Variants in DLGAP1 observed in about 807,000 individuals in gnomAD.
DLGAP1 encodes the protein DLG associated protein 1.
In DLGAP1, 11 loss-of-function variants were observed where a neutral mutation model predicts 90.8. That is an observed-to-expected ratio of 0.12 (90% confidence interval 0.08 to 0.20). The LOEUF is 0.20. DLGAP1 is among the 10% of genes least tolerant of loss of function. DLGAP1 has a pLI of 1.00. For missense variants in DLGAP1, 1,050 were observed against 1,333.8 expected, an observed-to-expected ratio of 0.79 and a Z score of 3.31; for synonymous variants, 558 against 540.7, an observed-to-expected ratio of 1.03 and a Z score of -0.44.
intron 3 of DLGAP1, among the ~76,000 whole-genome samples, chr18:3,891,490 TG>T (rs1174569289): frequency 6.6e-6 from 1 of 152,206 alleles, no homozygotes; most frequent in Non-Finnish European, 1.5e-5. Flanking sequence ...ATGGGTCTCC[TG>T]GTTCTGTTCC....
At chr18:3,716,679 A>AT (rs533073940) in intron 7 of DLGAP1, among the ~76,000 whole-genome samples, 19 of 149,834 alleles carry the variant, frequency 1.3e-4, no homozygotes, top group Admixed American at 3.3e-4. Flanking sequence ...TCCTTCTAGT[A>AT]TTTTTTTTTT....
chr18:3,760,115 TGTCAGCACAGG>T (rs946881393), intron 5 of DLGAP1, among the ~76,000 whole-genome samples: 33 of 152,214 alleles, frequency 2.2e-4, no homozygotes, highest in African/African-American at 7.7e-4. Context: ...TAATCCCCAA[TGTCAGCACAGG>T]GTCCGACATG....
intron 1 of DLGAP1, among the ~76,000 whole-genome samples, chr18:4,285,729 A>C (rs2079672046): frequency 6.6e-6 from 1 of 152,160 alleles, no homozygotes; most frequent in Non-Finnish European, 1.5e-5. Context: ...CGTTTGCCTT[A>C]TTTGAACACA....
chr18:3,637,603 C>G (rs1023667559), intron 7 of DLGAP1, among the ~76,000 whole-genome samples: 1 of 147,990 alleles, frequency 6.8e-6, no homozygotes, highest in East Asian at 2.0e-4. Context: ...AAAAATTAGC[C>G]GGGCATGGTG....
chr18:3,819,735 CATTCA>C (rs753365165), intron 4 of DLGAP1, among the ~76,000 whole-genome samples: 5 of 152,146 alleles, frequency 3.3e-5, no homozygotes, highest in Non-Finnish European at 1.5e-5. Context: ...TGAGGTCTGC[CATTCA>C]CAGTTCAGGA....
chr18:3,835,644 T>C (rs368385306), intron 4 of DLGAP1, among the ~76,000 whole-genome samples: 2 of 135,992 alleles, frequency 1.5e-5, no homozygotes, highest in African/African-American at 2.9e-5. Flanking sequence ...CAAGGCTCCG[T>C]CTCAAAAAAA....
Position 4,394,473 on chromosome 18 carries a change from T to C in DLGAP1, c.-267+60533A>G, listed in dbSNP as rs184260984. 5.6e-4 allele frequency among the ~76,000 whole-genome samples: 85 copies of C among 152,244 alleles called. 1 individual carries two copies. Among genetic ancestry groups the C allele is most frequent in the African/African-American group, 1.9e-3 (80 of 41,558 alleles). On this transcript the variant is annotated intron_variant, in intron 1 of 12. Transcript: ENST00000315677. ...AGGTGACAATATTTAAACAATAACA[T>C]AAAAATCCAGAAAAATGCACATCTA...
intron 2 of DLGAP1, among the ~76,000 whole-genome samples, chr18:4,077,005 T>G (rs1232183316): frequency 5.3e-5 from 8 of 152,298 alleles, no homozygotes; most frequent in Non-Finnish European, 8.8e-5. Context: ...AAGGCTGAGC[T>G]CTACTAGAGC....
intron 3 of DLGAP1, among the ~76,000 whole-genome samples, chr18:3,881,528 TTAG>T (rs1294834868): frequency 6.6e-6 from 1 of 152,034 alleles, no homozygotes; most frequent in East Asian, 1.9e-4. Flanking sequence ...TCCCAGTCTA[TTAG>T]TCTCATTATG....
chr18:3,859,307 T>C (rs2069877437), intron 4 of DLGAP1, among the ~76,000 whole-genome samples: 1 of 152,214 alleles, frequency 6.6e-6, no homozygotes, highest in South Asian at 2.1e-4. Context: ...GCAATAGATA[T>C]ATAATTTCAC....
At chr18:4,123,197 G>T (rs1233370733) in intron 2 of DLGAP1, among the ~76,000 whole-genome samples, 1 of 152,116 alleles carries the variant, frequency 6.6e-6, no homozygotes, top group Non-Finnish European at 1.5e-5. Context: ...GTGGGTGGTG[G>T]GAAGGAGGGG....
intron 1 of DLGAP1, among the ~76,000 whole-genome samples, chr18:4,440,157 A>G (rs1299372197): frequency 2.0e-5 from 3 of 151,664 alleles, no homozygotes; most frequent in South Asian, 2.1e-4. Context: ...GAGAGAGAGA[A>G]AAATAAGTGC....
chr18:4,428,861 G>C (rs1191507622), intron 1 of DLGAP1, among the ~76,000 whole-genome samples: 1 of 152,098 alleles, frequency 6.6e-6, no homozygotes, highest in Non-Finnish European at 1.5e-5. Flanking sequence ...GGGGTTCTAG[G>C]GTTTCTAAAA....
At chr18:3,939,230 C>A (rs554418659) in intron 3 of DLGAP1, among the ~76,000 whole-genome samples, 1 of 152,002 alleles carries the variant, frequency 6.6e-6, no homozygotes, top group South Asian at 2.1e-4. Context: ...ACCAGCCTGG[C>A]CAACATGGTG....
chr18:3,862,554 G>C (rs1397590249), intron 4 of DLGAP1, among the ~76,000 whole-genome samples: 1 of 152,198 alleles, frequency 6.6e-6, no homozygotes, highest in African/African-American at 2.4e-5. Flanking sequence ...CAGGCACGTG[G>C]AGGGGACAGC....
chr18:3,570,708 C>T lies in DLGAP1; in HGVS notation c.1966-3127G>A, dbSNP rs572547490. Among the ~76,000 whole-genome samples the T allele has an allele frequency of 5.9e-5, 9 of 151,770 alleles. No individual in the cohort carries two copies. In the East Asian group the frequency reaches 7.9e-4, roughly 13 times the overall value. On this transcript the variant is annotated intron_variant, in intron 8 of 12. Coordinates refer to ENST00000315677, the MANE Select transcript of DLGAP1 (RefSeq NM_004746.4). ...CTTTGGGAGGCCGAGGTGAGAGGATCGCTTGAGCCCAAGAGTTAAAGACCA... is the reference window on the plus strand; with the variant it reads ...CTTTGGGAGGCCGAGGTGAGAGGATTGCTTGAGCCCAAGAGTTAAAGACCA...
intron 1 of DLGAP1, among the ~76,000 whole-genome samples, chr18:4,188,602 G>A (rs931204001): frequency 1.3e-5 from 2 of 152,124 alleles, no homozygotes; most frequent in Non-Finnish European, 2.9e-5. Context: ...TGCTGAGGGT[G>A]ATGGTTTCCA....
At chr18:4,161,802 C>T (rs970892512) in intron 1 of DLGAP1, among the ~76,000 whole-genome samples, 2 of 152,156 alleles carry the variant, frequency 1.3e-5, no homozygotes, top group Non-Finnish European at 2.9e-5. Flanking sequence ...CAGAGAATTA[C>T]GTACCTTTAA....
chr18:4,343,296 C>G (rs1211575273), intron 1 of DLGAP1, among the ~76,000 whole-genome samples: 32 of 140,590 alleles, frequency 2.3e-4, no homozygotes, highest in South Asian at 7.3e-4. Flanking sequence ...GACAGAGCAA[C>G]ACTCCTTCTC....
Sources: gnomAD v4.1 joint callset for allele counts (sites outside exome capture counted in the v4.1 genomes callset) on GRCh38, gnomAD v4.1.1 for gene constraint, MANE v1.5 for transcripts, NCBI Gene and HGNC (gene_info 2026-07-23, HGNC 2026-07-21) for gene names.